The following TNNI1 variants were observed in gnomAD, a reference collection of about 807,000 sequenced individuals.
The protein encoded by TNNI1 is troponin I, slow skeletal muscle.
A neutral mutation model predicts 26.7 loss-of-function variants in TNNI1; 14 were observed. The observed-to-expected ratio is 0.52, with a 90% CI of 0.35 to 0.82. TNNI1 has a LOEUF of 0.82. Among genes scored for constraint, TNNI1 ranks in the 40% least tolerant of loss-of-function variants. TNNI1 has a pLI of 0.01. For missense variants in TNNI1, 164 were observed against 257.0 expected (o/e 0.64, Z 2.47); for synonymous variants, 79 against 98.2 (o/e 0.80, Z 1.16).
Position 201,420,281 on chromosome 1 carries a change from C to A in TNNI1, c.-20+1392G>T, listed in dbSNP as rs377562434. 5.1e-3 allele frequency among the ~76,000 whole-genome samples: 780 copies of A among 152,358 alleles called. 2 individuals carry two copies. The highest frequency in any genetic ancestry group is 7.0e-3 in the Non-Finnish European group (473 of 68,028). On this transcript the variant is annotated intron_variant, in intron 1 of 8. Transcript: ENST00000361379. The stretch of plus-strand genomic sequence containing the variant: ...AGAGGCCTCAGCCTGTGCTCTGACA[C>A]CCCTCAGACGGGGGCCCTTGCCAGG...
chr1:201,415,349 T>G, intron 3 of TNNI1, 95 bp from the exon 4 acceptor site: 1 of 1,318,248 alleles, frequency 7.6e-7, no homozygotes, highest in Non-Finnish European at 1.1e-6. Flanking sequence ...CAGCGTTCTC[T>G]ATCTTTATCC....
Position 201,417,483 on chromosome 1 carries a change from C to T in TNNI1, c.11+300G>A, listed in dbSNP as rs566811285. The stretch of plus-strand genomic sequence containing the variant: ...AAATTCCCAAAGCTTTGTTCACCTA[C>T]TGCACCAGTGTTAAGTGGTGGCCTG... On this transcript the variant is annotated intron_variant, in intron 2 of 8. Transcript: ENST00000361379. Among the ~76,000 whole-genome samples, 3 of 152,242 alleles carry T rather than the reference C, an allele frequency of 2.0e-5. No homozygotes were observed. In the East Asian group the frequency reaches 5.8e-4, roughly 29 times the overall value.
At position 201,411,087 on chromosome 1, in the gene TNNI1, G is replaced by C. The variant is rs1662625928; in HGVS notation, c.456+270C>G. ...AATCTCCACATTATCTTCACACTGG[G>C]AACAAGATTTTTACTTCATTTCTCC... On this transcript the variant is annotated intron_variant, in intron 7 of 8. Coordinates refer to ENST00000361379, the MANE Select transcript of TNNI1 (RefSeq NM_003281.4). This position sits in a 1 kb window ranked among gnomAD's most constrained non-coding sequence, Gnocchi z 4.6. Among the ~76,000 whole-genome samples the C allele has an allele frequency of 6.6e-6, 1 of 152,170 alleles. No individual in the cohort carries two copies. The highest frequency in any genetic ancestry group is 2.4e-5 in the African/African-American group (1 of 41,424).
intron 6 of TNNI1, among the ~76,000 whole-genome samples, chr1:201,412,713 G>A (rs1041626646): frequency 6.6e-6 from 1 of 152,220 alleles, no homozygotes; most frequent in Non-Finnish European, 1.5e-5. Flanking sequence ...AGGCTATAAC[G>A]AACATGAAAG....
intron 1 of TNNI1, among the ~76,000 whole-genome samples, chr1:201,419,170 G>C (rs1035692495): frequency 1.3e-5 from 2 of 152,224 alleles, no homozygotes; most frequent in African/African-American, 4.8e-5. Context: ...ACTGGTTGAA[G>C]GGGGCTCCCA....
At chr1:201,420,198 G>A (rs1662828937) in intron 1 of TNNI1, among the ~76,000 whole-genome samples, 3 of 152,242 alleles carry the variant, frequency 2.0e-5, no homozygotes, top group Admixed American at 1.3e-4. Flanking sequence ...AAGCTCCGGG[G>A]CCTGCCCCCA....
At chr1:201,419,031 C>A (rs1662808735) in intron 1 of TNNI1, among the ~76,000 whole-genome samples, 1 of 152,004 alleles carries the variant, frequency 6.6e-6, no homozygotes, top group African/African-American at 2.4e-5. Flanking sequence ...GTCTCTCATA[C>A]CTGAGTGATG....
chr1:201,410,274 T>C, intron 8 of TNNI1, 52 bp downstream of exon 8: 1 of 1,535,726 alleles, frequency 6.5e-7, no homozygotes. Flanking sequence ...GACTCCCTCA[T>C]TATCCTCTAG....
chr1:201,421,269 G>A (rs1249258138), intron 1 of TNNI1, among the ~76,000 whole-genome samples: 1 of 152,094 alleles, frequency 6.6e-6, no homozygotes, highest in Non-Finnish European at 1.5e-5. Flanking sequence ...TGCAGGCATT[G>A]CTGACTTTGA....
chr1:201,419,473 T>A (rs1449257728), intron 1 of TNNI1, among the ~76,000 whole-genome samples: 3 of 151,994 alleles, frequency 2.0e-5, no homozygotes, highest in African/African-American at 7.3e-5. Context: ...AAATGAAGGA[T>A]GGGAGAGCCT....
chr1:201,414,686 A>G, intron 4 of TNNI1, 37 bp from the exon 5 acceptor site: 4 of 1,601,470 alleles, frequency 2.5e-6, no homozygotes, highest in Non-Finnish European at 3.4e-6. Context: ...GGGGCCTCAC[A>G]TCTCCCACCC....
In TNNI1 at chr1:201,409,199, G is replaced by A. The variant is rs1050620572; in HGVS notation, c.*54C>T. 6.6e-6 allele frequency: 1 copy of A among 152,380 alleles called. No individual in the cohort carries two copies. Among genetic ancestry groups the A allele is most frequent in the African/African-American group, 2.4e-5 (1 of 41,438 alleles). 9.4% of individuals were successfully genotyped at this position (152,380 alleles called of 1,614,324 possible). ...ACAGGCAGAGAGGTGAGTGAGCTGG[G>A]TTGGAGAAGAAGCATGAAGCAGGAG... On this transcript the variant is annotated 3_prime_UTR_variant, in exon 9 of 9. Coordinates refer to ENST00000361379, the MANE Select transcript of TNNI1 (RefSeq NM_003281.4).
In TNNI1 at chr1:201,415,191, C is replaced by G. The variant is rs750151914; in HGVS notation, c.57+22G>C. ...CTCTGCCTCCCACTGGGCATCCCCC[C>G]ACAGCCAGCCCCCAGCCTCACCTTC... On this transcript the variant is annotated intron_variant, in intron 4 of 8. Transcript: ENST00000361379. The G allele has an allele frequency of 8.7e-6, 14 of 1,610,352 alleles. No homozygotes were observed. The South Asian group carries it at 1.1e-4, about 13-fold the overall frequency.
rs142666675 is a variant in TNNI1 at position 201,406,242 on chromosome 1, TCCTCATCTGTAAATTTG to T, written c.*2994_*3010del. 0.46 allele frequency: 69,391 copies of T among 152,040 alleles called. 16,238 individuals carry two copies. The highest frequency in any genetic ancestry group is 0.56 in the African/African-American group (23,289 of 41,444). The allele number at this position is 152,040 out of a possible 1,614,324, so 9.4% of individuals were successfully genotyped here. A position where few individuals can be genotyped will look rare whatever the true frequency, so the allele number is the denominator to read the frequency against. ...TACTTGAACTCTCCAGGCCTCCATT[TCCTCATCTGTAAATTTG>T]AGCTAACAAATGTACCATTTTTGTG... On this transcript the variant is annotated 3_prime_UTR_variant, in exon 9 of 9. Coordinates refer to ENST00000361379, the MANE Select transcript of TNNI1 (RefSeq NM_003281.4).
rs769863046 is a variant in TNNI1, at chr1:201,403,839, G to C, written c.*5414C>G. 7 of 152,170 alleles carry C rather than the reference G, an allele frequency of 4.6e-5. No homozygotes were observed. Among genetic ancestry groups the C allele is most frequent in the Non-Finnish European group, 1.0e-4 (7 of 68,026 alleles). 9.4% of individuals were successfully genotyped at this position (152,170 alleles called of 1,614,324 possible). The stretch of plus-strand genomic sequence containing the variant: ...TAAATACGTAGTAACATTATGAAGA[G>C]AACCAAGAGAATAACAAACACAAAA... On this transcript the variant is annotated 3_prime_UTR_variant, in exon 9 of 9. Coordinates refer to ENST00000361379, the MANE Select transcript of TNNI1 (RefSeq NM_003281.4).
At position 201,406,909 on chromosome 1, in the gene TNNI1, T is replaced by G. The variant is rs1314329279; in HGVS notation, c.*2344A>C. On this transcript the variant is annotated 3_prime_UTR_variant, in exon 9 of 9. Coordinates refer to ENST00000361379, the MANE Select transcript of TNNI1 (RefSeq NM_003281.4). ...CCTCCAGGAACCCTCTGGTTGGCTC[T>G]TCTGCCCCTCCTAGAGGGCCACTGG... 6.6e-6 allele frequency: 1 copy of G among 152,304 alleles called. No individual in the cohort carries two copies. Among genetic ancestry groups the G allele is most frequent in the East Asian group, 1.9e-4 (1 of 5,200 alleles). 9.4% of individuals were successfully genotyped at this position (152,304 alleles called of 1,614,324 possible). A position where few individuals can be genotyped will look rare whatever the true frequency, so the allele number is the denominator to read the frequency against.
Position 201,413,014 on chromosome 1 carries a change from TC to T in TNNI1, c.279+17del. On this transcript the variant is annotated intron_variant, in intron 6 of 8. Transcript: ENST00000361379. ...CCCAACCCATTATGGCCATGCCCCT[TC>T]CCTTCCTTAGACTCACCTCCCTGGT... The T allele has an allele frequency of 1.2e-6, 2 of 1,613,356 alleles. No homozygotes were observed. The highest frequency in any genetic ancestry group is 1.7e-6 in the Non-Finnish European group (2 of 1,179,390).
chr1:201,414,236 C>T (rs1188971304), intron 5 of TNNI1, among the ~76,000 whole-genome samples: 1 of 152,206 alleles, frequency 6.6e-6, no homozygotes, highest in African/African-American at 2.4e-5. Context: ...GGCCGCCTCC[C>T]CACTCCATGC....
rs1365395098 is a variant in TNNI1 at position 201,414,561 on chromosome 1, A to T, written c.146T>A (p.Ile49Asn). 1 of 1,613,086 alleles carries T rather than the reference A, an allele frequency of 6.2e-7. No homozygotes were observed. The highest frequency in any genetic ancestry group is 2.2e-5 in the East Asian group (1 of 44,864). ...AEKVRYLAER[I>N]PTLQTRGLSL... Reference sequence around the variant, plus strand: ...CAGGCCACGGGTCTGCAGCGTGGGGATGCGCTCTGCCAGGTAGCGCACCTT... The same window carrying T: ...CAGGCCACGGGTCTGCAGCGTGGGGTTGCGCTCTGCCAGGTAGCGCACCTT... Residue 49 changes from isoleucine (I) to asparagine (N), a missense_variant, in exon 5 of 9, where the codon ATC becomes AAC. Transcript: ENST00000361379.
Sources: allele counts gnomAD v4.1 joint callset (sites outside exome capture counted in the v4.1 genomes callset), GRCh38; gene constraint gnomAD v4.1.1; non-coding constraint Gnocchi (gnomAD v3.1); transcripts MANE v1.5; gene names NCBI Gene and HGNC (gene_info 2026-07-23, HGNC 2026-07-21).